The following KCNQ5 variants were observed in gnomAD, a reference collection of about 807,000 sequenced individuals.
The protein encoded by KCNQ5 is potassium voltage-gated channel subfamily Q member 5.
KCNQ5 carries 30 observed loss-of-function variants against 98.2 expected under a neutral mutation model. That is an observed-to-expected ratio of 0.31 (90% CI 0.23 to 0.41). KCNQ5 has a LOEUF of 0.41. Ranked by LOEUF, KCNQ5 falls within the 10% of genes least tolerant of loss-of-function variation. KCNQ5 has a pLI of 1.00. For synonymous variants in KCNQ5, 458 were observed against 449.4 expected, an observed-to-expected ratio of 1.02 and a Z score of -0.24; for missense variants, 835 against 1,182.5, an observed-to-expected ratio of 0.71 and a Z score of 4.31.
Position 72,760,974 on chromosome 6 carries a change from A to G in KCNQ5, c.398+138387A>G, listed in dbSNP as rs1772241924. ...CACAGCCAGATTTCATGATATTTTT[A>G]CCCATATATTTATCTGTGATAACAG... On this transcript the variant is annotated intron_variant, in intron 1 of 13. Transcript: ENST00000370398. Among the ~76,000 whole-genome samples the G allele has an allele frequency of 2.0e-5, 3 of 152,066 alleles. No homozygotes were observed. In the South Asian group the frequency reaches 6.2e-4, roughly 32 times the overall value.
chr6:73,064,184 G>A (rs1471459049), intron 3 of KCNQ5, among the ~76,000 whole-genome samples: 1 of 152,104 alleles, frequency 6.6e-6, no homozygotes, highest in East Asian at 1.9e-4. Context: ...TTAGCAGTAG[G>A]TGATGATTAA....
At chr6:73,082,146 C>T (rs900303219) in intron 5 of KCNQ5, among the ~76,000 whole-genome samples, 2 of 152,156 alleles carry the variant, frequency 1.3e-5, no homozygotes, top group Non-Finnish European at 2.9e-5. Context: ...ATTCCTGAGG[C>T]CAGCTGTGGG....
At chr6:72,993,990 A>G (rs1769149735) in intron 1 of KCNQ5, among the ~76,000 whole-genome samples, 2 of 82,710 alleles carry the variant, frequency 2.4e-5, no homozygotes, top group Admixed American at 1.4e-4. Context: ...GGGGTCAGGG[A>G]CCCACTTGAG....
At chr6:72,688,682 C>G (rs1389176238) in intron 1 of KCNQ5, among the ~76,000 whole-genome samples, 1 of 151,898 alleles carries the variant, frequency 6.6e-6, no homozygotes, top group Non-Finnish European at 1.5e-5. Context: ...TAAAAAAATA[C>G]AAAAGGTTTC....
chr6:72,678,373 A>G (rs891858941), intron 1 of KCNQ5: 9 of 152,188 alleles, frequency 5.9e-5, no homozygotes, highest in African/African-American at 2.2e-4. Context: ...ATTGAAGCCT[A>G]GAAAGATCAA....
intron 13 of KCNQ5, 42 bp from the exon 14 acceptor site, chr6:73,194,410 T>C: frequency 6.5e-7 from 1 of 1,538,254 alleles, no homozygotes; most frequent in Non-Finnish European, 8.8e-7. Context: ...CCATTCTTAA[T>C]AACAGATTAT....
chr6:73,085,468 C>A (rs1773948099), intron 5 of KCNQ5, among the ~76,000 whole-genome samples: 1 of 152,166 alleles, frequency 6.6e-6, no homozygotes, highest in Admixed American at 6.5e-5. Flanking sequence ...CAGGAAACAT[C>A]CCTAGCTCCT....
chr6:73,104,722 A>G (rs1180015817), intron 5 of KCNQ5, among the ~76,000 whole-genome samples: 1 of 152,204 alleles, frequency 6.6e-6, no homozygotes, highest in African/African-American at 2.4e-5. Flanking sequence ...TTGTACCTCC[A>G]TTATAATACC....
At chr6:72,984,125 C>G (rs1768619668) in intron 1 of KCNQ5, among the ~76,000 whole-genome samples, 1 of 152,158 alleles carries the variant, frequency 6.6e-6, no homozygotes, top group South Asian at 2.1e-4. Context: ...GTCAGTCGGC[C>G]CCTACTGGGA....
intron 1 of KCNQ5, among the ~76,000 whole-genome samples, chr6:72,703,449 A>C (rs1350316735): frequency 3.9e-5 from 6 of 152,164 alleles, no homozygotes; most frequent in African/African-American, 9.7e-5. Context: ...TTTGTAGTTA[A>C]GTGTCTGTCT....
intron 1 of KCNQ5, among the ~76,000 whole-genome samples, chr6:72,976,093 TCCAGGGAAAAA>T (rs2150290560): frequency 6.6e-6 from 1 of 152,328 alleles, no homozygotes; most frequent in East Asian, 1.9e-4. Flanking sequence ...GCTTTTTGTT[TCCAGGGAAAAA>T]TAAGTTTAAG....
chr6:72,797,502 CAAA>C (rs543983897), intron 1 of KCNQ5, among the ~76,000 whole-genome samples: 2 of 87,390 alleles, frequency 2.3e-5, no homozygotes, highest in African/African-American at 3.6e-5. Context: ...AAGACCCTGC[CAAA>C]AAAAAAAAAA....
chr6:72,672,453 G>T (rs1767175419), intron 1 of KCNQ5, among the ~76,000 whole-genome samples: 1 of 152,030 alleles, frequency 6.6e-6, no homozygotes, highest in African/African-American at 2.4e-5. Context: ...TTTAATAGAA[G>T]AAAGTTAAAA....
intron 1 of KCNQ5, among the ~76,000 whole-genome samples, chr6:72,945,442 C>T (rs1394807451): frequency 1.5e-5 from 2 of 134,416 alleles, no homozygotes; most frequent in Admixed American, 7.6e-5. Flanking sequence ...TGTGATGTTC[C>T]CCTTCCTGTG....
intron 1 of KCNQ5, among the ~76,000 whole-genome samples, chr6:72,986,134 A>G (rs111624178): frequency 0.088 from 13,457 of 152,122 alleles, 1,162 homozygotes; most frequent in African/African-American, 0.23. Context: ...GGAGGCTGAG[A>G]CAGGAGAATC....
chr6:73,090,851 G>A (rs1386968219), intron 5 of KCNQ5, among the ~76,000 whole-genome samples: 1 of 152,134 alleles, frequency 6.6e-6, no homozygotes, highest in East Asian at 1.9e-4. Context: ...TGGAGAAATA[G>A]GAACACTTTT....
intron 1 of KCNQ5, among the ~76,000 whole-genome samples, chr6:72,675,708 A>C (rs750724823): frequency 7.2e-5 from 11 of 152,268 alleles, no homozygotes; most frequent in Middle Eastern, 3.4e-3. Context: ...TCCCAGTGAA[A>C]CTTTGTTTTT....
In KCNQ5 at chr6:72,683,195, G is replaced by T. The variant is rs373050644; in HGVS notation, c.398+60608G>T. 2.0e-5 allele frequency among the ~76,000 whole-genome samples: 3 copies of T among 152,084 alleles called. No individual in the cohort carries two copies. The East Asian group carries it at 5.8e-4, about 29-fold the overall frequency. ...CTAGTTCTCAAGCTAAAGTGTGTCT[G>T]AACCCCAAAGCCAAGCCTTTGCTGT... On this transcript the variant is annotated intron_variant, in intron 1 of 13. Coordinates refer to ENST00000370398, the MANE Select transcript of KCNQ5 (RefSeq NM_019842.4).
chr6:73,091,471 T>TA (rs1216957644), intron 5 of KCNQ5, among the ~76,000 whole-genome samples: 6 of 151,856 alleles, frequency 4.0e-5, no homozygotes, highest in Admixed American at 2.6e-4. Context: ...TAAAGTATAA[T>TA]AAAAAAGATA....
Sources: allele counts gnomAD v4.1 joint callset (sites outside exome capture counted in the v4.1 genomes callset), GRCh38; gene constraint gnomAD v4.1.1; transcripts MANE v1.5; gene names NCBI Gene and HGNC (gene_info 2026-07-23, HGNC 2026-07-21).